The following RSRC1 variants were observed in gnomAD, a reference collection of about 807,000 sequenced individuals.
RSRC1 encodes arginine and serine rich coiled-coil 1.
Under a neutral mutation model 49.1 loss-of-function variants are expected in RSRC1, and 39 were observed. That is an observed-to-expected ratio of 0.79 (90% CI 0.61 to 1.04). The LOEUF (loss-of-function observed/expected upper bound fraction) is 1.04. RSRC1 is among the 50% of genes least tolerant of loss of function. RSRC1 has a pLI of 0.00. For missense variants in RSRC1, 388 were observed against 402.4 expected (o/e 0.96, Z 0.31); for synonymous variants, 143 against 130.8 (o/e 1.09, Z -0.63).
chr3:158,421,054 A>G (rs945710987), intron 6 of RSRC1, among the ~76,000 whole-genome samples: 5 of 151,896 alleles, frequency 3.3e-5, no homozygotes, highest in African/African-American at 1.2e-4. Context: ...ATTTAAGTCC[A>G]TTTTGCCTGG....
Position 158,245,505 on chromosome 3 carries a change from G to C in RSRC1, c.494+42260G>C, listed in dbSNP as rs567140234. Reference sequence around the variant, plus strand: ...AGAATGTATATTCTGTTGTTTCAGGGTGAAGGAGTTCTATGGATACCTATC... The same window carrying C: ...AGAATGTATATTCTGTTGTTTCAGGCTGAAGGAGTTCTATGGATACCTATC... On this transcript the variant is annotated intron_variant, in intron 4 of 9. Transcript: ENST00000611884. Among the ~76,000 whole-genome samples, 4 of 152,298 alleles carry C rather than the reference G, an allele frequency of 2.6e-5. No individual in the cohort carries two copies. In the East Asian group the frequency reaches 5.8e-4, roughly 22 times the overall value.
chr3:158,251,012 T>C (rs1242869337), intron 4 of RSRC1, among the ~76,000 whole-genome samples: 1 of 152,146 alleles, frequency 6.6e-6, no homozygotes, highest in Non-Finnish European at 1.5e-5. Context: ...TTGGTTTTTG[T>C]ATATGGTGAG....
chr3:158,369,731 GTCA>G (rs988456545), intron 6 of RSRC1, among the ~76,000 whole-genome samples: 30 of 151,990 alleles, frequency 2.0e-4, no homozygotes, highest in African/African-American at 6.5e-4. Context: ...AAATTGTCTT[GTCA>G]TCCCAAAAAA....
Position 158,504,927 on chromosome 3 carries a change from G to A in RSRC1, c.653-32165G>A, listed in dbSNP as rs1006027018. Among the ~76,000 whole-genome samples the A allele has an allele frequency of 3.9e-5, 6 of 152,280 alleles. No individual in the cohort carries two copies. In the South Asian group the frequency reaches 6.2e-4, roughly 16 times the overall value. ...GTTAGGTATTTCCTTTAGATCTGAC[G>A]TTTGGCCTTCAAATTTTTATTAACT... On this transcript the variant is annotated intron_variant, in intron 7 of 9. Coordinates refer to ENST00000611884, the MANE Select transcript of RSRC1 (RefSeq NM_001271838.2).
At chr3:158,394,268 A>G (rs1324392218) in intron 6 of RSRC1, among the ~76,000 whole-genome samples, 1 of 151,916 alleles carries the variant, frequency 6.6e-6, no homozygotes, top group Non-Finnish European at 1.5e-5. Flanking sequence ...CTCTCTCACT[A>G]CTCCTTTTCA....
chr3:158,334,171 C>G (rs1729726318), intron 5 of RSRC1, among the ~76,000 whole-genome samples: 1 of 152,008 alleles, frequency 6.6e-6, no homozygotes, highest in South Asian at 2.1e-4. Context: ...GGGTTTAAAA[C>G]TATATAAAGT....
At chr3:158,325,798 G>A (rs2108179984) in intron 5 of RSRC1, among the ~76,000 whole-genome samples, 1 of 152,154 alleles carries the variant, frequency 6.6e-6, no homozygotes, top group East Asian at 1.9e-4. Flanking sequence ...GGATAGCACT[G>A]AATCTATAAA....
intron 4 of RSRC1, among the ~76,000 whole-genome samples, chr3:158,280,032 C>T (rs1306561142): frequency 6.6e-6 from 1 of 152,144 alleles, no homozygotes; most frequent in Admixed American, 6.6e-5. Flanking sequence ...ACATTGCTGC[C>T]ACTGGACTTA....
intron 6 of RSRC1, among the ~76,000 whole-genome samples, chr3:158,365,563 T>C (rs1406591116): frequency 2.0e-5 from 3 of 152,204 alleles, no homozygotes; most frequent in African/African-American, 4.8e-5. Flanking sequence ...GACATTTGGG[T>C]TGGTTCCAAG....
chr3:158,517,645 T>G (rs1740646328), intron 7 of RSRC1, among the ~76,000 whole-genome samples: 1 of 151,096 alleles, frequency 6.6e-6, no homozygotes, highest in Non-Finnish European at 1.5e-5. Context: ...CCAGGTAGAG[T>G]GCAGTGGCAT....
chr3:158,260,004 C>T (rs73166358), intron 4 of RSRC1, among the ~76,000 whole-genome samples: 33,823 of 151,978 alleles, frequency 0.22, 4,220 homozygotes, highest in Non-Finnish European at 0.28. Context: ...AAGGCAGGTC[C>T]AGAAATGCCA....
chr3:158,229,629 T>G (rs750804944), intron 4 of RSRC1, among the ~76,000 whole-genome samples: 52 of 151,694 alleles, frequency 3.4e-4, no homozygotes, highest in Non-Finnish European at 6.8e-4. Context: ...ATATGCCTAG[T>G]CAAAATATTT....
chr3:158,378,617 G>A (rs1732514450), intron 6 of RSRC1, among the ~76,000 whole-genome samples: 1 of 152,198 alleles, frequency 6.6e-6, no homozygotes, highest in East Asian at 1.9e-4. Flanking sequence ...CTGCAAGTAT[G>A]TCCTGAACGG....
At chr3:158,342,855 AGGT>A (rs1730333208) in intron 5 of RSRC1, among the ~76,000 whole-genome samples, 1 of 152,230 alleles carries the variant, frequency 6.6e-6, no homozygotes, top group Non-Finnish European at 1.5e-5. Flanking sequence ...GAAAAAAATG[AGGT>A]GATTCCTATG....
chr3:158,206,948 G>C (rs1450269700), intron 4 of RSRC1, among the ~76,000 whole-genome samples: 1 of 152,018 alleles, frequency 6.6e-6, no homozygotes, highest in Non-Finnish European at 1.5e-5. Context: ...CATTTTAAAT[G>C]TATTTTTTCA....
At position 158,545,393 on chromosome 3, in the gene RSRC1, G is replaced by A. The variant is rs757239235; in HGVS notation, c.*1118G>A. ...ATTTTTTGTGTTTTTAGTAGAGATG[G>A]GGTTTCACCATTTTAGCCAGGATGG... On this transcript the variant is annotated 3_prime_UTR_variant, in exon 10 of 10. Coordinates refer to ENST00000611884, the MANE Select transcript of RSRC1 (RefSeq NM_001271838.2). The A allele has an allele frequency of 1.3e-5, 2 of 151,472 alleles. No homozygotes were observed. The highest frequency in any genetic ancestry group is 4.8e-5 in the African/African-American group (2 of 41,246). The allele number at this position is 151,472 out of a possible 1,614,324, so 9.4% of individuals were successfully genotyped here.
chr3:158,542,667 G>C (rs1713101958), intron 8 of RSRC1, among the ~76,000 whole-genome samples: 1 of 152,224 alleles, frequency 6.6e-6, no homozygotes, highest in South Asian at 2.1e-4. Context: ...GGATGGAAAG[G>C]TTGGAAGGAA....
chr3:158,346,582 A>C (rs557539015), intron 5 of RSRC1, among the ~76,000 whole-genome samples: 1 of 152,310 alleles, frequency 6.6e-6, no homozygotes, highest in African/African-American at 2.4e-5. Context: ...ATGAGACACC[A>C]CCACATACCT....
intron 3 of RSRC1, chr3:158,132,193 C>T (rs751239658): frequency 5.4e-5 from 23 of 425,792 alleles, no homozygotes. Context: ...ACCATGTTGC[C>T]CAGGCTGGTC....
Sources: gnomAD v4.1 joint callset for allele counts (sites outside exome capture counted in the v4.1 genomes callset) on GRCh38, gnomAD v4.1.1 for gene constraint, MANE v1.5 for transcripts, NCBI Gene and HGNC (gene_info 2026-07-23, HGNC 2026-07-21) for gene names.